Variants in ANKRD30A observed in about 807,000 individuals in gnomAD.
ANKRD30A encodes ankyrin repeat domain-containing protein 30A.
Under a neutral mutation model 166.3 loss-of-function variants are expected in ANKRD30A, and 170 were observed. The observed-to-expected ratio is 1.02, with a 90% CI of 0.90 to 1.16. The LOEUF is 1.16. Ranked by LOEUF, ANKRD30A falls within the 50% of genes most tolerant of loss-of-function variation. The pLI, the probability that ANKRD30A is intolerant of heterozygous loss-of-function variation, is 0.00. For synonymous variants in ANKRD30A, 564 were observed against 508.9 expected (o/e 1.11, Z -1.46); for missense variants, 1,630 against 1,518.0 (o/e 1.07, Z -1.23).
intron 1 of ANKRD30A, among the ~76,000 whole-genome samples, chr10:37,127,422 G>T (rs1201310904): frequency 6.6e-6 from 1 of 151,868 alleles, no homozygotes; most frequent in African/African-American, 2.4e-5. Flanking sequence ...CACTCTGAAG[G>T]GCAATTTAGT....
intron 25 of ANKRD30A, among the ~76,000 whole-genome samples, chr10:37,191,888 C>T (rs1001044875): frequency 3.3e-5 from 5 of 151,680 alleles, no homozygotes; most frequent in African/African-American, 9.7e-5. Context: ...CCAGCTACTC[C>T]GGAGGCTGAG....
intron 31 of ANKRD30A, among the ~76,000 whole-genome samples, chr10:37,206,468 T>C (rs1439399334): frequency 6.6e-6 from 1 of 151,704 alleles, no homozygotes; most frequent in Non-Finnish European, 1.5e-5. Flanking sequence ...ATCCATTGGC[T>C]TTTTTTTGTA....
At chr10:37,167,375 T>C (rs1283951068) in intron 19 of ANKRD30A, among the ~76,000 whole-genome samples, 2 of 150,324 alleles carry the variant, frequency 1.3e-5, no homozygotes, top group Non-Finnish European at 2.9e-5. Context: ...GAACCTTGGC[T>C]TTATTTTTAA....
intron 32 of ANKRD30A, among the ~76,000 whole-genome samples, chr10:37,216,887 C>G (rs1368006510): frequency 6.6e-6 from 1 of 150,960 alleles, no homozygotes; most frequent in Non-Finnish European, 1.5e-5. Context: ...AATGGCCATT[C>G]TTCTTTCCCC....
downstream of ANKRD30A, among the ~76,000 whole-genome samples, chr10:37,237,376 T>C (rs1013554324): frequency 6.6e-6 from 1 of 152,184 alleles, no homozygotes; most frequent in Non-Finnish European, 1.5e-5. Context: ...GATGCAACCA[T>C]ATTATATAAA....
Position 37,155,560 on chromosome 10 carries a change from C to T in ANKRD30A, c.1798+1898C>T, listed in dbSNP as rs182643419. On this transcript the variant is annotated intron_variant, in intron 13 of 35. Transcript: ENST00000361713. ...TGATATAAATTATTATAATGTGTTG[C>T]ATTAAAGACACATGGTGTAGCATTC... Among the ~76,000 whole-genome samples the T allele has an allele frequency of 2.0e-5, 3 of 152,166 alleles. No homozygotes were observed. The East Asian group carries it at 5.8e-4, about 29-fold the overall frequency.
the ANKRD30A span, among the ~76,000 whole-genome samples, chr10:37,245,830 A>C: frequency 6.6e-6 from 1 of 152,262 alleles, no homozygotes; most frequent in East Asian, 1.9e-4. Flanking sequence ...GTATGACTGA[A>C]ATCCCAAGCT....
downstream of ANKRD30A, among the ~76,000 whole-genome samples, chr10:37,237,018 T>C (rs1009487875): frequency 6.6e-6 from 1 of 152,244 alleles, no homozygotes; most frequent in African/African-American, 2.4e-5. Context: ...GTATTTCTAA[T>C]TTTAGGATTC....
At chr10:37,156,125 T>G (rs1164102895) in intron 13 of ANKRD30A, among the ~76,000 whole-genome samples, 1 of 152,048 alleles carries the variant, frequency 6.6e-6, no homozygotes, top group African/African-American at 2.4e-5. Flanking sequence ...TACACCACCT[T>G]TAATTAGACG....
intron 31 of ANKRD30A, among the ~76,000 whole-genome samples, chr10:37,203,377 A>C (rs930950297): frequency 2.6e-5 from 4 of 152,228 alleles, no homozygotes; most frequent in African/African-American, 9.6e-5. Flanking sequence ...AGAACCAAAA[A>C]CAAAAACCAC....
rs75332609 is a variant in ANKRD30A at position 37,231,388 on chromosome 10, T to G, written c.4186-73T>G. The stretch of plus-strand genomic sequence containing the variant: ...TATTCTTATAGAAGGGTTTTCTTTT[T>G]AAATACAAGTCCTTTTCTAATTATG... On this transcript the variant is annotated intron_variant, in intron 34 of 35. Transcript: ENST00000361713. 1.0e-2 allele frequency: 13,186 copies of G among 1,323,486 alleles called. 88 individuals carry two copies. Among genetic ancestry groups the G allele is most frequent in the Non-Finnish European group, 0.012 (11,739 of 962,146 alleles). 82.0% of individuals were successfully genotyped at this position (1,323,486 alleles called of 1,614,324 possible).
At chr10:37,164,019 A>G (rs1839110250) in intron 17 of ANKRD30A, among the ~76,000 whole-genome samples, 1 of 144,366 alleles carries the variant, frequency 6.9e-6, no homozygotes, top group East Asian at 2.0e-4. Flanking sequence ...CGCTTCTAAA[A>G]ATGAGTGAAC....
chr10:37,217,428 G>C (rs1321513311), intron 32 of ANKRD30A, among the ~76,000 whole-genome samples: 8 of 150,876 alleles, frequency 5.3e-5, no homozygotes, highest in African/African-American at 1.7e-4. Context: ...TTACTGGATA[G>C]CTTCCAATAT....
intron 13 of ANKRD30A, 51 bp from the exon 14 acceptor site, chr10:37,158,341 G>C: frequency 6.3e-7 from 1 of 1,575,842 alleles, no homozygotes. Context: ...ATGTTCGGTA[G>C]GCTTTGTCAG....
chr10:37,237,869 T>TCA, the ANKRD30A span, among the ~76,000 whole-genome samples: 4 of 152,218 alleles, frequency 2.6e-5, no homozygotes, highest in Non-Finnish European at 4.4e-5. Context: ...GTACTGTATG[T>TCA]GGTCTCTTGA....
At chr10:37,237,244 T>C (rs1843705496), downstream of ANKRD30A, among the ~76,000 whole-genome samples, 1 of 152,234 alleles carries the variant, frequency 6.6e-6, no homozygotes, top group Non-Finnish European at 1.5e-5. Context: ...TTGTGACCTA[T>C]GGTGAGGCAT....
intron 15 of ANKRD30A, among the ~76,000 whole-genome samples, chr10:37,162,440 C>T (rs1479498219): frequency 1.3e-5 from 2 of 152,162 alleles, no homozygotes; most frequent in Non-Finnish European, 2.9e-5. Context: ...GTCTTAACTG[C>T]ATGATCTGAG....
At chr10:37,136,811 G>GTA (rs1214309786) in intron 6 of ANKRD30A, 140 bp downstream of exon 6, 2 of 327,590 alleles carry the variant, frequency 6.1e-6, no homozygotes, top group Non-Finnish European at 5.7e-6. Flanking sequence ...GTGGGTGTGT[G>GTA]TATGTGTGTG....
chr10:37,220,124 G>A (rs955494177), intron 34 of ANKRD30A, among the ~76,000 whole-genome samples: 8 of 148,504 alleles, frequency 5.4e-5, no homozygotes, highest in East Asian at 2.0e-4. Flanking sequence ...GCTGAGAGAC[G>A]TTTTACTTTG....
Sources: allele counts gnomAD v4.1 joint callset (sites outside exome capture counted in the v4.1 genomes callset), GRCh38; gene constraint gnomAD v4.1.1; transcripts MANE v1.5; gene names NCBI Gene and HGNC (gene_info 2026-07-23, HGNC 2026-07-21).